The following TENM4 variants were observed in gnomAD, a reference collection of about 807,000 sequenced individuals.
TENM4 encodes the protein teneurin-4.
In TENM4, 82 loss-of-function variants were observed where a neutral mutation model predicts 243.3. That is an observed-to-expected ratio of 0.34 (90% confidence interval 0.28 to 0.40). The LOEUF (loss-of-function observed/expected upper bound fraction) is 0.40. TENM4 is among the 10% of genes least tolerant of loss of function. TENM4 has a pLI of 1.00. For missense variants in TENM4, 3,138 were observed against 3,673.3 expected (o/e 0.85, Z 3.77); for synonymous variants, 1,412 against 1,456.3 (o/e 0.97, Z 0.69).
At chr11:79,066,652 A>G (rs950962008) in intron 5 of TENM4, among the ~76,000 whole-genome samples, 2 of 151,768 alleles carry the variant, frequency 1.3e-5, no homozygotes, top group Non-Finnish European at 2.9e-5. Flanking sequence ...GTGCACACAC[A>G]CGTGCAAACA....
At chr11:78,704,099 GTA>G (rs1414027716) in intron 27 of TENM4, among the ~76,000 whole-genome samples, 2 of 133,306 alleles carry the variant, frequency 1.5e-5, no homozygotes, top group African/African-American at 3.2e-5. Context: ...ATATACATAT[GTA>G]TGTGTGTGTG....
At chr11:78,893,780 T>TACACACACTCACACACACACACACAC (rs1855722548) in intron 7 of TENM4, among the ~76,000 whole-genome samples, 1 of 142,670 alleles carries the variant, frequency 7.0e-6, no homozygotes, top group East Asian at 2.0e-4. Context: ...GGACTTCACA[T>TACACACACTCACACACACACACACAC]ACACACACAC....
At chr11:79,145,946 T>A (rs1229820603) in intron 4 of TENM4, among the ~76,000 whole-genome samples, 1 of 152,090 alleles carries the variant, frequency 6.6e-6, no homozygotes, top group African/African-American at 2.4e-5. Context: ...CTTTTGCCCA[T>A]TTTTCTATTA....
At chr11:79,303,450 A>C (rs1445461519) in intron 1 of TENM4, among the ~76,000 whole-genome samples, 1 of 152,230 alleles carries the variant, frequency 6.6e-6, no homozygotes, top group Non-Finnish European at 1.5e-5. Flanking sequence ...ATGTTGGTGA[A>C]TATTATTCTA....
At chr11:79,285,870 G>C (rs961568827) in intron 2 of TENM4, among the ~76,000 whole-genome samples, 2 of 152,178 alleles carry the variant, frequency 1.3e-5, no homozygotes, top group African/African-American at 4.8e-5. Context: ...GGTTGGCAAG[G>C]GCTAGGGGGA....
intron 1 of TENM4, among the ~76,000 whole-genome samples, chr11:79,299,207 G>C (rs1187365289): frequency 6.6e-6 from 1 of 152,126 alleles, no homozygotes; most frequent in East Asian, 1.9e-4. Flanking sequence ...TTGGGGAGCT[G>C]GTCTGAAGTC....
chr11:79,401,841 T>C (rs914633460), intron 1 of TENM4, among the ~76,000 whole-genome samples: 20 of 152,064 alleles, frequency 1.3e-4, no homozygotes, highest in Admixed American at 7.9e-4. Context: ...GCAGGTTGAG[T>C]TGGCAGTGCT....
intron 1 of TENM4, among the ~76,000 whole-genome samples, chr11:79,398,662 A>G (rs1858395356): frequency 1.3e-5 from 2 of 151,574 alleles, no homozygotes; most frequent in Admixed American, 6.6e-5. Flanking sequence ...AGGGATGATC[A>G]CAGAATATAT....
intron 24 of TENM4, among the ~76,000 whole-genome samples, chr11:78,722,208 T>A (rs1855401395): frequency 6.6e-6 from 1 of 151,950 alleles, no homozygotes; most frequent in Non-Finnish European, 1.5e-5. Flanking sequence ...CAGATGGGGG[T>A]CTCATCAGGT....
chr11:78,659,469 G>A (rs1320274393), intron 33 of TENM4, among the ~76,000 whole-genome samples: 1 of 150,612 alleles, frequency 6.6e-6, no homozygotes, highest in Admixed American at 6.6e-5. Context: ...AAGCTGAGAA[G>A]AATCTTGGCT....
At chr11:79,072,048 C>T (rs1347978890) in intron 4 of TENM4, among the ~76,000 whole-genome samples, 3 of 152,154 alleles carry the variant, frequency 2.0e-5, no homozygotes, top group Admixed American at 1.3e-4. Context: ...TGAGCTCTGC[C>T]ATCCTGATGC....
chr11:79,124,835 GTA>G (rs1048032111), intron 4 of TENM4, among the ~76,000 whole-genome samples: 18 of 137,248 alleles, frequency 1.3e-4, no homozygotes, highest in African/African-American at 3.6e-4. Context: ...GTATGTGTGT[GTA>G]TATATATACA....
At chr11:79,003,985 C>T (rs1298003801) in intron 6 of TENM4, among the ~76,000 whole-genome samples, 2 of 129,476 alleles carry the variant, frequency 1.5e-5, no homozygotes, top group Non-Finnish European at 3.2e-5. Flanking sequence ...GGTTGCTATT[C>T]TAATTTCAGA....
chr11:79,334,757 G>A (rs182617799), intron 1 of TENM4, among the ~76,000 whole-genome samples: 70 of 152,252 alleles, frequency 4.6e-4, no homozygotes, highest in African/African-American at 1.4e-3. Context: ...CACAATGAAC[G>A]TTAGCATGTT....
At chr11:78,847,094 C>T (rs566255779) in intron 12 of TENM4, among the ~76,000 whole-genome samples, 1 of 152,292 alleles carries the variant, frequency 6.6e-6, no homozygotes, top group Admixed American at 6.5e-5. Context: ...CTATAGCTAC[C>T]ATTTTATGAC....
In TENM4 at chr11:78,701,314, C is replaced by T. The variant is rs1466837593; in HGVS notation, c.5087+212G>A. 2.0e-5 allele frequency among the ~76,000 whole-genome samples: 3 copies of T among 152,160 alleles called. 1 individual carries two copies. The highest frequency in any genetic ancestry group is 4.4e-5 in the Non-Finnish European group (3 of 68,028). On this transcript the variant is annotated intron_variant, in intron 28 of 33. Coordinates refer to ENST00000278550, the MANE Select transcript of TENM4 (RefSeq NM_001098816.3). ...TCCATGGTAGAGTGGGAACTGATGC[C>T]CAGCTCCTCTGACTCCAAAGCTTAT...
intron 16 of TENM4, among the ~76,000 whole-genome samples, chr11:78,782,968 T>C (rs1438561442): frequency 6.6e-6 from 1 of 152,142 alleles, no homozygotes; most frequent in African/African-American, 2.4e-5. Flanking sequence ...GTCTGGTAAA[T>C]AATTCTGTAT....
intron 4 of TENM4, among the ~76,000 whole-genome samples, chr11:79,134,724 C>T (rs2137171376): frequency 6.6e-6 from 1 of 152,112 alleles, no homozygotes; most frequent in East Asian, 1.9e-4. Flanking sequence ...TTCGACAAAG[C>T]AAACAAATAT....
intron 1 of TENM4, among the ~76,000 whole-genome samples, chr11:79,373,712 G>A (rs1857834055): frequency 6.6e-6 from 1 of 152,014 alleles, no homozygotes; most frequent in Admixed American, 6.5e-5. Context: ...TAATCTAAAA[G>A]GTAACATATG....
Sources: allele counts gnomAD v4.1 joint callset (sites outside exome capture counted in the v4.1 genomes callset), GRCh38; gene constraint gnomAD v4.1.1; transcripts MANE v1.5; gene names NCBI Gene and HGNC (gene_info 2026-07-23, HGNC 2026-07-21).